EPHA4: variants seen among roughly 807,000 people sequenced by gnomAD.
EPHA4 encodes EPH receptor A4.
Under a neutral mutation model 108.3 loss-of-function variants are expected in EPHA4, and 19 were observed. That is an observed-to-expected ratio of 0.18 (90% CI 0.12 to 0.26). The LOEUF (loss-of-function observed/expected upper bound fraction) is 0.26. Among genes scored for constraint, EPHA4 ranks in the 10% least tolerant of loss-of-function variants. The pLI is 1.00. For missense variants in EPHA4, 917 were observed against 1,254.0 expected (o/e 0.73, Z 4.06); for synonymous variants, 449 against 455.5 (o/e 0.99, Z 0.18).
chr2:221,497,083 A>G (rs1030893601), intron 4 of EPHA4, among the ~76,000 whole-genome samples: 5 of 151,998 alleles, frequency 3.3e-5, no homozygotes, highest in African/African-American at 1.2e-4. Context: ...AAAATCACTG[A>G]TAGAGAGGCA....
chr2:221,459,988 G>A (rs990503736), intron 5 of EPHA4, among the ~76,000 whole-genome samples: 2 of 152,058 alleles, frequency 1.3e-5, no homozygotes, highest in Admixed American at 1.3e-4. Context: ...TCTCTGGTTG[G>A]GTTATCATTA....
chr2:221,526,659 C>G (rs1353724994), intron 3 of EPHA4, among the ~76,000 whole-genome samples: 1 of 151,700 alleles, frequency 6.6e-6, no homozygotes, highest in Non-Finnish European at 1.5e-5. Context: ...CCAGCCTAGC[C>G]AACTTGGTGA....
At chr2:221,423,653 T>C (rs545517117) in intron 17 of EPHA4, among the ~76,000 whole-genome samples, 217 of 152,268 alleles carry the variant, frequency 1.4e-3, no homozygotes, top group African/African-American at 5.1e-3. Flanking sequence ...CAGCATAGTA[T>C]ATAATGTTGT....
chr2:221,426,034 G>A lies in EPHA4; in HGVS notation c.2955C>T (p.Pro985=), dbSNP rs772325817. The A allele has an allele frequency of 4.3e-6, 7 of 1,613,722 alleles. No homozygotes were observed. The highest frequency in any genetic ancestry group is 3.3e-5 in the Admixed American group (2 of 59,982). ...GAGTTTATTCAGTACTGGCTCAGAC[G>A]GGAACCATTCTGCCGTGCATCTGCT... The part of the protein sequence containing the change: ...QMQQMHGRMV[P]V Residue 985 remains proline, a synonymous_variant, in exon 17 of 18, where the codon CCC becomes CCT. Coordinates refer to ENST00000281821, the MANE Select transcript of EPHA4 (RefSeq NM_004438.5).
At chr2:221,492,365 AT>A (rs751728396) in intron 4 of EPHA4, among the ~76,000 whole-genome samples, 2 of 152,144 alleles carry the variant, frequency 1.3e-5, no homozygotes, top group East Asian at 3.9e-4. Flanking sequence ...CTAAAACAGC[AT>A]TTTTTTAAAA....
chr2:221,429,836 C>T, intron 15 of EPHA4, 122 bp downstream of exon 15: 8 of 1,004,980 alleles, frequency 8.0e-6, no homozygotes, highest in Non-Finnish European at 1.2e-5. Context: ...AAGAAGCCAC[C>T]CAGGTTGCAG....
chr2:221,482,270 T>C (rs1438932757), intron 5 of EPHA4, 82 bp downstream of exon 5: 5 of 1,285,212 alleles, frequency 3.9e-6, no homozygotes, highest in Non-Finnish European at 5.3e-6. Flanking sequence ...ATTTCAATTA[T>C]AGCAATTTAT....
intron 3 of EPHA4, among the ~76,000 whole-genome samples, chr2:221,530,165 CTT>C (rs550017406): frequency 6.9e-6 from 1 of 143,906 alleles, no homozygotes; most frequent in African/African-American, 2.5e-5. Context: ...TCTCTCCCTG[CTT>C]TTTTTTTTTT....
intron 4 of EPHA4, among the ~76,000 whole-genome samples, chr2:221,484,980 C>A (rs1160817327): frequency 6.6e-6 from 1 of 152,208 alleles, no homozygotes; most frequent in African/African-American, 2.4e-5. Context: ...ATAGTGAAAT[C>A]CATTACTAGT....
intron 3 of EPHA4, among the ~76,000 whole-genome samples, chr2:221,547,536 T>C (rs1440625257): frequency 1.3e-5 from 2 of 152,230 alleles, no homozygotes; most frequent in African/African-American, 4.8e-5. Flanking sequence ...TGACAAGGTC[T>C]CCAGCCTTGC....
In EPHA4 at chr2:221,418,807, C is replaced by G. The variant is rs1041672899; in HGVS notation, c.*2565G>C. 1 of 152,548 alleles carries G rather than the reference C, an allele frequency of 6.6e-6. No individual in the cohort carries two copies. Among genetic ancestry groups the G allele is most frequent in the African/African-American group, 2.4e-5 (1 of 41,444 alleles). 9.4% of individuals were successfully genotyped at this position (152,548 alleles called of 1,614,324 possible). On this transcript the variant is annotated 3_prime_UTR_variant, in exon 18 of 18. Coordinates refer to ENST00000281821, the MANE Select transcript of EPHA4 (RefSeq NM_004438.5). ...CTCAGACCCAGACCCTGAAGTTGGCCTCCTACCCTTACCTCTGGAAAAGAT... is the reference window on the plus strand; with the variant it reads ...CTCAGACCCAGACCCTGAAGTTGGCGTCCTACCCTTACCTCTGGAAAAGAT...
chr2:221,552,214 C>T (rs2106199661), intron 3 of EPHA4, among the ~76,000 whole-genome samples: 1 of 152,256 alleles, frequency 6.6e-6, no homozygotes, highest in East Asian at 1.9e-4. Context: ...TAAGCACAGG[C>T]TAAATATTAC....
chr2:221,509,767 A>G (rs1469556488), intron 3 of EPHA4, among the ~76,000 whole-genome samples: 1 of 152,210 alleles, frequency 6.6e-6, no homozygotes. Context: ...ATAAACTACA[A>G]ACAAATCAAA....
chr2:221,517,765 T>C (rs1199531113), intron 3 of EPHA4, among the ~76,000 whole-genome samples: 3 of 152,180 alleles, frequency 2.0e-5, no homozygotes, highest in African/African-American at 7.2e-5. Context: ...GGGACACCAC[T>C]TCCCAGCTCA....
intron 4 of EPHA4, among the ~76,000 whole-genome samples, chr2:221,499,902 C>A (rs1478719560): frequency 1.3e-5 from 2 of 150,680 alleles, no homozygotes; most frequent in Non-Finnish European, 3.0e-5. Context: ...GGATTATAGG[C>A]ACCACCCACC....
intron 5 of EPHA4, among the ~76,000 whole-genome samples, chr2:221,474,808 T>G (rs182790780): frequency 6.6e-6 from 1 of 152,190 alleles, no homozygotes; most frequent in Non-Finnish European, 1.5e-5. Flanking sequence ...CACGATTTAC[T>G]GGAGATCAAA....
chr2:221,512,505 G>C (rs1692858968), intron 3 of EPHA4, among the ~76,000 whole-genome samples: 1 of 152,156 alleles, frequency 6.6e-6, no homozygotes, highest in Admixed American at 6.5e-5. Context: ...AGAGGATCAA[G>C]CTTTTTGATG....
intron 3 of EPHA4, among the ~76,000 whole-genome samples, chr2:221,515,315 G>A (rs1157736332): frequency 2.0e-5 from 3 of 152,012 alleles, no homozygotes; most frequent in Admixed American, 1.3e-4. Context: ...GGCTGGTCTC[G>A]AACTCCCAAC....
chr2:221,529,430 G>A (rs993708111), intron 3 of EPHA4, among the ~76,000 whole-genome samples: 1 of 152,164 alleles, frequency 6.6e-6, no homozygotes, highest in East Asian at 1.9e-4. Flanking sequence ...CCTGCAGGCT[G>A]CCAACTCTCT....
Sources: allele counts gnomAD v4.1 joint callset (sites outside exome capture counted in the v4.1 genomes callset), GRCh38; gene constraint gnomAD v4.1.1; transcripts MANE v1.5; gene names NCBI Gene and HGNC (gene_info 2026-07-23, HGNC 2026-07-21).